MMP16: variants seen among roughly 807,000 people sequenced by gnomAD.
MMP16 encodes matrix metallopeptidase 16.
In MMP16, 12 loss-of-function variants were observed where a neutral mutation model predicts 67.8. The observed-to-expected ratio is 0.18, with a 90% confidence interval of 0.11 to 0.29. The LOEUF is 0.29. Among genes scored for constraint, MMP16 ranks in the 10% least tolerant of loss-of-function variants. The pLI, the probability that MMP16 is intolerant of heterozygous loss-of-function variation, is 1.00. For synonymous variants in MMP16, 249 were observed against 255.9 expected, an observed-to-expected ratio of 0.97 and a Z score of 0.26; for missense variants, 475 against 765.7, an observed-to-expected ratio of 0.62 and a Z score of 4.48.
At chr8:88,297,568 G>A (rs566624033) in intron 1 of MMP16, among the ~76,000 whole-genome samples, 2 of 152,306 alleles carry the variant, frequency 1.3e-5, no homozygotes, top group South Asian at 4.1e-4. Flanking sequence ...CTCAGCAGTG[G>A]TCTGCCAGAG....
chr8:88,284,435 G>C (rs1810791435), intron 1 of MMP16, among the ~76,000 whole-genome samples: 1 of 151,912 alleles, frequency 6.6e-6, no homozygotes, highest in South Asian at 2.1e-4. Context: ...CATATACAAT[G>C]ACGATACTGA....
intron 6 of MMP16, among the ~76,000 whole-genome samples, chr8:88,109,484 A>G (rs891005375): frequency 5.3e-5 from 8 of 151,388 alleles, no homozygotes; most frequent in African/African-American, 1.9e-4. Context: ...ACAAAGCACA[A>G]TGATAATTAC....
chr8:88,312,604 C>A, intron 1 of MMP16, among the ~76,000 whole-genome samples: 1 of 152,100 alleles, frequency 6.6e-6, no homozygotes, highest in African/African-American at 2.4e-5. Flanking sequence ...ATAATCCTTC[C>A]CTCCCAGCCC....
intron 6 of MMP16, among the ~76,000 whole-genome samples, chr8:88,103,696 A>G (rs1484777310): frequency 1.3e-5 from 2 of 151,814 alleles, no homozygotes; most frequent in Admixed American, 1.3e-4. Flanking sequence ...AAACTTTGCT[A>G]TATGACAGCT....
chr8:88,219,032 G>A (rs1332324733), intron 1 of MMP16, among the ~76,000 whole-genome samples: 1 of 151,908 alleles, frequency 6.6e-6, no homozygotes, highest in Non-Finnish European at 1.5e-5. Flanking sequence ...AATATCTCGG[G>A]CCTCACACAA....
chr8:88,040,679 T>A lies in MMP16; in HGVS notation c.*782A>T, dbSNP rs1808119409. 6.6e-6 allele frequency: 1 copy of A among 152,556 alleles called. No individual in the cohort carries two copies. The highest frequency in any genetic ancestry group is 6.6e-5 in the Admixed American group (1 of 15,254). The allele number at this position is 152,556 out of a possible 1,614,324, so 9.5% of individuals were successfully genotyped here. On this transcript the variant is annotated 3_prime_UTR_variant, in exon 10 of 10. Transcript: ENST00000286614. ...TACTTCAAAAACAATTAAAAGGTCG[T>A]GTTTGAAAATAGCTATGAATATAAA... is the stretch of plus-strand genomic sequence containing the variant.
At chr8:88,133,136 A>T (rs1019603860) in intron 4 of MMP16, among the ~76,000 whole-genome samples, 9 of 151,922 alleles carry the variant, frequency 5.9e-5, no homozygotes, top group African/African-American at 1.9e-4. Flanking sequence ...TTTTTATTCC[A>T]CATACTGTTT....
chr8:88,100,680 A>C (rs1373482681), intron 6 of MMP16, among the ~76,000 whole-genome samples: 2 of 151,992 alleles, frequency 1.3e-5, no homozygotes, highest in African/African-American at 4.8e-5. Context: ...CTGCACATGT[A>C]TGTTTATTGT....
intron 7 of MMP16, 116 bp from the exon 8 acceptor site, chr8:88,056,394 A>C (rs1378655739): frequency 3.2e-6 from 1 of 314,704 alleles, no homozygotes; most frequent in African/African-American, 2.2e-5. Context: ...AATTATACTA[A>C]ATATATATTA....
At chr8:88,176,812 T>C (rs1266088958) in intron 3 of MMP16, among the ~76,000 whole-genome samples, 1 of 152,182 alleles carries the variant, frequency 6.6e-6, no homozygotes, top group Non-Finnish European at 1.5e-5. Flanking sequence ...AAAACTGCCT[T>C]AATTAGTATT....
At chr8:88,319,201 A>G (rs73692227) in intron 1 of MMP16, among the ~76,000 whole-genome samples, 9,993 of 152,198 alleles carry the variant, frequency 0.066, 546 homozygotes, top group Admixed American at 0.12. Context: ...TACAAGGAAT[A>G]CCCAAACCTC....
At chr8:88,194,374 ATAAG>A (rs1809218527) in intron 2 of MMP16, among the ~76,000 whole-genome samples, 1 of 152,200 alleles carries the variant, frequency 6.6e-6, no homozygotes, top group African/African-American at 2.4e-5. Flanking sequence ...ATTTTATGTA[ATAAG>A]TGTCAGATAA....
At chr8:88,135,749 T>C (rs1178758349) in intron 4 of MMP16, among the ~76,000 whole-genome samples, 2 of 151,860 alleles carry the variant, frequency 1.3e-5, no homozygotes, top group African/African-American at 4.8e-5. Flanking sequence ...GTTTCTGGTT[T>C]GGACAATTAC....
At chr8:88,181,115 A>G (rs1235715856) in intron 3 of MMP16, among the ~76,000 whole-genome samples, 1 of 152,138 alleles carries the variant, frequency 6.6e-6, no homozygotes, top group Non-Finnish European at 1.5e-5. Context: ...TATTTTTCCT[A>G]AGATCAGAAA....
In MMP16 at chr8:88,127,238, G is replaced by C. The variant is rs1807949937; in HGVS notation, c.710-8377C>G. Among the ~76,000 whole-genome samples the C allele has an allele frequency of 2.0e-5, 3 of 151,832 alleles. No individual in the cohort carries two copies. In the South Asian group the frequency reaches 6.2e-4, roughly 31 times the overall value. Reference sequence around the variant, plus strand: ...AGGTTTGAGTGTGATTATTATGTAGGAGATAACACAGTACTATGAAAGTCT... The same window carrying C: ...AGGTTTGAGTGTGATTATTATGTAGCAGATAACACAGTACTATGAAAGTCT... On this transcript the variant is annotated intron_variant, in intron 4 of 9. Coordinates refer to ENST00000286614, the MANE Select transcript of MMP16 (RefSeq NM_005941.5).
chr8:88,314,779 G>C (rs1669311878), intron 1 of MMP16, among the ~76,000 whole-genome samples: 1 of 152,180 alleles, frequency 6.6e-6, no homozygotes, highest in African/African-American at 2.4e-5. Flanking sequence ...TTCACAGGAA[G>C]ACACAGATCA....
At chr8:88,093,838 T>G (rs1808980563) in intron 6 of MMP16, among the ~76,000 whole-genome samples, 2 of 151,792 alleles carry the variant, frequency 1.3e-5, no homozygotes, top group South Asian at 4.1e-4. Flanking sequence ...AAATGATATT[T>G]TCCTCCCTTT....
chr8:88,301,669 T>C (rs1224753331), intron 1 of MMP16, among the ~76,000 whole-genome samples: 1 of 152,222 alleles, frequency 6.6e-6, no homozygotes, highest in South Asian at 2.1e-4. Context: ...TCTTATTTAA[T>C]AGTGCCTAGA....
chr8:88,168,355 A>G (rs1808747760), intron 3 of MMP16, among the ~76,000 whole-genome samples: 1 of 152,184 alleles, frequency 6.6e-6, no homozygotes, highest in Non-Finnish European at 1.5e-5. Flanking sequence ...TTAGAGGCAC[A>G]CCATTGTATT....
Sources: allele counts gnomAD v4.1 joint callset (sites outside exome capture counted in the v4.1 genomes callset), GRCh38; gene constraint gnomAD v4.1.1; transcripts MANE v1.5; gene names NCBI Gene and HGNC (gene_info 2026-07-23, HGNC 2026-07-21).